Variants in SNX29 observed in about 807,000 individuals in gnomAD.
SNX29 encodes the protein sorting nexin-29.
SNX29 carries 78 observed loss-of-function variants against 102.1 expected under a neutral mutation model. The ratio of observed to expected loss-of-function variants is 0.76; its 90% CI spans 0.64 to 0.92. SNX29 has a LOEUF of 0.92. Among genes scored for constraint, SNX29 ranks in the 40% least tolerant of loss-of-function variants. SNX29 has a pLI of 0.00. For missense variants in SNX29, 1,280 were observed against 1,061.7 expected (o/e 1.21, Z -2.86); for synonymous variants, 580 against 414.5 (o/e 1.40, Z -4.85).
At chr16:12,509,006 G>C (rs1477230958) in intron 19 of SNX29, among the ~76,000 whole-genome samples, 3 of 152,092 alleles carry the variant, frequency 2.0e-5, no homozygotes, top group South Asian at 2.1e-4. Context: ...TCAGTTCCCG[G>C]CATCCAGCAC....
chr16:12,203,643 G>A (rs1031819735), intron 14 of SNX29, among the ~76,000 whole-genome samples: 5 of 152,244 alleles, frequency 3.3e-5, no homozygotes, highest in African/African-American at 1.2e-4. Context: ...ATGTTCAGCT[G>A]GGAGGCTGGC....
At chr16:12,247,204 T>C (rs748356870) in intron 14 of SNX29, among the ~76,000 whole-genome samples, 6 of 152,198 alleles carry the variant, frequency 3.9e-5, no homozygotes, top group African/African-American at 1.2e-4. Flanking sequence ...TTGGCCGTTA[T>C]AGCAGTCATC....
intron 20 of SNX29, among the ~76,000 whole-genome samples, chr16:12,554,645 A>C (rs990447020): frequency 6.6e-6 from 1 of 152,140 alleles, no homozygotes; most frequent in Non-Finnish European, 1.5e-5. Flanking sequence ...CCCAGGTTTC[A>C]CCAGTTTGTG....
At chr16:12,472,860 A>G (rs2087424916) in intron 18 of SNX29, among the ~76,000 whole-genome samples, 1 of 152,162 alleles carries the variant, frequency 6.6e-6, no homozygotes, top group Non-Finnish European at 1.5e-5. Context: ...ACTTCCTCTT[A>G]AAATGAAGAA....
chr16:12,387,078 T>G (rs1346583828), intron 16 of SNX29, among the ~76,000 whole-genome samples: 2 of 151,128 alleles, frequency 1.3e-5, no homozygotes, highest in East Asian at 3.9e-4. Flanking sequence ...TGAGCCGAGA[T>G]TGTGCCACTG....
intron 18 of SNX29, among the ~76,000 whole-genome samples, chr16:12,464,310 T>A (rs921164885): frequency 6.6e-6 from 1 of 152,136 alleles, no homozygotes; most frequent in Non-Finnish European, 1.5e-5. Context: ...CACACCACAT[T>A]TTCTTTATCC....
chr16:12,369,925 C>T (rs372667628), intron 16 of SNX29, among the ~76,000 whole-genome samples: 4 of 152,134 alleles, frequency 2.6e-5, no homozygotes, highest in East Asian at 1.9e-4. Context: ...TTGAAAAAAT[C>T]TTTCTTTGAG....
intron 15 of SNX29, among the ~76,000 whole-genome samples, chr16:12,345,803 C>T (rs1398247959): frequency 1.3e-5 from 2 of 152,152 alleles, no homozygotes; most frequent in Admixed American, 6.5e-5. Flanking sequence ...GTTTTCTGCC[C>T]TCTCCTCCCA....
chr16:12,393,197 C>T, intron 16 of SNX29, among the ~76,000 whole-genome samples: 1 of 152,132 alleles, frequency 6.6e-6, no homozygotes, highest in Non-Finnish European at 1.5e-5. Context: ...TTCCTTGTTG[C>T]TTTTCTTTGG....
At position 12,214,325 on chromosome 16, in the gene SNX29, G is replaced by A. The variant is rs187128694; in HGVS notation, c.1678+14642G>A. On this transcript the variant is annotated intron_variant, in intron 14 of 20. Transcript: ENST00000566228. ...GGCCAGACGTATATTTATTGTTGTC[G>A]TCATTAACTTTTTGGGGCTGTCTCA... is the stretch of plus-strand genomic sequence containing the variant. 7.3e-4 allele frequency among the ~76,000 whole-genome samples: 111 copies of A among 152,310 alleles called. No homozygotes were observed. The Middle Eastern group carries it at 0.01, about 14-fold the overall frequency.
chr16:12,016,364 G>A (rs375786304), intron 3 of SNX29, among the ~76,000 whole-genome samples: 16 of 152,278 alleles, frequency 1.1e-4, no homozygotes, highest in East Asian at 9.6e-4. Flanking sequence ...GGGTTGCTGA[G>A]TCAGAGAGCA....
chr16:12,266,686 G>GGAAA (rs368510349), intron 14 of SNX29, among the ~76,000 whole-genome samples: 7 of 130,956 alleles, frequency 5.3e-5, no homozygotes, highest in Admixed American at 3.2e-4. Context: ...ATCTATTATT[G>GGAAA]AAAAAAAAAA....
chr16:12,473,835 C>T (rs541106925), intron 18 of SNX29, among the ~76,000 whole-genome samples: 2 of 152,242 alleles, frequency 1.3e-5, no homozygotes, highest in Admixed American at 6.5e-5. Flanking sequence ...CAGGAAGTTA[C>T]TCTATATGGT....
chr16:12,519,492 C>G (rs1375327417), intron 19 of SNX29, among the ~76,000 whole-genome samples: 1 of 152,098 alleles, frequency 6.6e-6, no homozygotes, highest in Non-Finnish European at 1.5e-5. Context: ...GTGATTATGC[C>G]ATTGTGGTCA....
chr16:12,439,047 C>T (rs73519931), intron 18 of SNX29, among the ~76,000 whole-genome samples: 3,743 of 152,320 alleles, frequency 0.025, 73 homozygotes, highest in East Asian at 0.05. Context: ...GCTTCCAAGG[C>T]AGGGCTCAGA....
chr16:12,047,814 C>T (rs1378989359), intron 6 of SNX29, among the ~76,000 whole-genome samples: 3 of 151,958 alleles, frequency 2.0e-5, no homozygotes, highest in East Asian at 1.9e-4. Flanking sequence ...TGCACCAACA[C>T]GCCTGGCTAA....
intron 14 of SNX29, among the ~76,000 whole-genome samples, chr16:12,200,203 T>C (rs532273859): frequency 3.3e-5 from 5 of 152,272 alleles, no homozygotes; most frequent in Middle Eastern, 6.8e-3. Context: ...ATGCCTACCA[T>C]AGAATAAATG....
chr16:12,503,283 A>C (rs1486460050), intron 19 of SNX29, among the ~76,000 whole-genome samples: 4 of 152,142 alleles, frequency 2.6e-5, no homozygotes, highest in African/African-American at 9.7e-5. Flanking sequence ...ATAGGGTGGG[A>C]AGAATGTGGA....
chr16:12,215,382 A>T (rs564419282), intron 14 of SNX29, among the ~76,000 whole-genome samples: 1 of 151,498 alleles, frequency 6.6e-6, no homozygotes, highest in African/African-American at 2.4e-5. Flanking sequence ...CCCTCCATGC[A>T]CTCTATGTAA....
Sources: allele counts gnomAD v4.1 joint callset (sites outside exome capture counted in the v4.1 genomes callset), GRCh38; gene constraint gnomAD v4.1.1; transcripts MANE v1.5; gene names NCBI Gene and HGNC (gene_info 2026-07-23, HGNC 2026-07-21).